The following GRID1 variants were observed in gnomAD, a reference collection of about 807,000 sequenced individuals.
GRID1 encodes glutamate ionotropic receptor delta type subunit 1.
In GRID1, 28 loss-of-function variants were observed where a neutral mutation model predicts 98.0. The observed-to-expected ratio is 0.29, with a 90% CI of 0.21 to 0.39. The LOEUF (loss-of-function observed/expected upper bound fraction) is 0.39, where lower values mean the gene tolerates loss of function less well. Ranked by LOEUF, GRID1 falls within the 10% of genes least tolerant of loss-of-function variation. The probability of loss-of-function intolerance (pLI) is 1.00; values close to 1 mark genes in which losing one functional copy is unlikely to be tolerated. For synonymous variants in GRID1, 553 were observed against 538.5 expected (o/e 1.03, Z -0.37); for missense variants, 1,111 against 1,340.5 (o/e 0.83, Z 2.67).
intron 2 of GRID1, among the ~76,000 whole-genome samples, chr10:86,307,938 T>G (rs554706553): frequency 5.3e-5 from 8 of 152,168 alleles, no homozygotes; most frequent in Non-Finnish European, 1.0e-4. Flanking sequence ...CTGAACAAAT[T>G]TCTACATATA....
chr10:85,768,121 T>G (rs1842215136), intron 8 of GRID1, among the ~76,000 whole-genome samples: 1 of 152,048 alleles, frequency 6.6e-6, no homozygotes. Flanking sequence ...TAAAAGGAAA[T>G]GAAAGCTGAG....
chr10:85,708,389 G>A (rs1197847823), intron 12 of GRID1, among the ~76,000 whole-genome samples: 1 of 149,076 alleles, frequency 6.7e-6, no homozygotes, highest in Non-Finnish European at 1.5e-5. Context: ...GGGGCACAAA[G>A]CAAGACTCTG....
At chr10:85,625,515 A>G (rs993954771) in intron 13 of GRID1, among the ~76,000 whole-genome samples, 10 of 152,254 alleles carry the variant, frequency 6.6e-5, no homozygotes, top group Non-Finnish European at 1.5e-4. Flanking sequence ...TAGTGAAAGG[A>G]GGAAGAATAT....
intron 4 of GRID1, among the ~76,000 whole-genome samples, chr10:85,919,809 T>C (rs894408698): frequency 1.3e-5 from 2 of 152,240 alleles, no homozygotes; most frequent in Admixed American, 6.5e-5. Flanking sequence ...TTCACTTCTC[T>C]GAGCTGCAGT....
At chr10:86,303,035 T>A (rs1847712681) in intron 2 of GRID1, among the ~76,000 whole-genome samples, 1 of 152,206 alleles carries the variant, frequency 6.6e-6, no homozygotes, top group Non-Finnish European at 1.5e-5. Flanking sequence ...ACCAATCAGG[T>A]ATAAGAGATA....
At chr10:86,022,045 G>A (rs1843056635) in intron 4 of GRID1, among the ~76,000 whole-genome samples, 1 of 152,110 alleles carries the variant, frequency 6.6e-6, no homozygotes, top group South Asian at 2.1e-4. Flanking sequence ...ATTTTACTTA[G>A]CCCAATATGT....
At chr10:85,634,998 G>GAAAAAA (rs140144576) in intron 13 of GRID1, among the ~76,000 whole-genome samples, 2 of 35,010 alleles carry the variant, frequency 5.7e-5, no homozygotes, top group African/African-American at 9.1e-5. Flanking sequence ...GAGGAAATCT[G>GAAAAAA]AAAAAAAAAA....
chr10:85,726,234 ATT>A (rs112297328), intron 10 of GRID1, among the ~76,000 whole-genome samples: 42 of 146,418 alleles, frequency 2.9e-4, no homozygotes, highest in African/African-American at 8.5e-4. Flanking sequence ...AAGTACAATC[ATT>A]TTTTTTTTTT....
At chr10:86,208,605 A>C (rs183472753) in intron 2 of GRID1, among the ~76,000 whole-genome samples, 96 of 152,288 alleles carry the variant, frequency 6.3e-4, no homozygotes, top group Middle Eastern at 3.4e-3. Context: ...CAGCATCCCC[A>C]GACTGGCTCA....
intron 11 of GRID1, among the ~76,000 whole-genome samples, chr10:85,723,556 A>C (rs1330340247): frequency 6.6e-6 from 1 of 152,228 alleles, no homozygotes; most frequent in Non-Finnish European, 1.5e-5. Flanking sequence ...ATATAGAAAT[A>C]ACTCCTACTA....
chr10:86,238,596 G>A (rs1846577398), intron 2 of GRID1, among the ~76,000 whole-genome samples: 1 of 151,732 alleles, frequency 6.6e-6, no homozygotes, highest in Admixed American at 6.6e-5. Flanking sequence ...CTTGAACCTG[G>A]GAGGCAGAGG....
intron 3 of GRID1, among the ~76,000 whole-genome samples, chr10:86,179,097 C>A (rs936847619): frequency 1.3e-5 from 2 of 152,090 alleles, no homozygotes; most frequent in Non-Finnish European, 2.9e-5. Context: ...AGGCTCCAGA[C>A]CCAATCCCCA....
chr10:86,183,938 G>C lies in GRID1; in HGVS notation c.520+22426C>G, dbSNP rs77336687. 6.5e-3 allele frequency among the ~76,000 whole-genome samples: 984 copies of C among 152,306 alleles called. 24 individuals are homozygous for C. In the East Asian group the frequency reaches 0.079, roughly 12 times the overall value. On this transcript the variant is annotated intron_variant, in intron 3 of 15. Transcript: ENST00000327946. ...CATAAACTTCCTGATGCTTGGTATAGTCAATCATCTTTAATTTTAGCCATT... is the reference window on the plus strand; with the variant it reads ...CATAAACTTCCTGATGCTTGGTATACTCAATCATCTTTAATTTTAGCCATT...
intron 12 of GRID1, among the ~76,000 whole-genome samples, chr10:85,655,626 T>C (rs1840885939): frequency 6.6e-6 from 1 of 152,194 alleles, no homozygotes; most frequent in African/African-American, 2.4e-5. Context: ...TAAAGCTGCT[T>C]GAGATCTTCT....
chr10:86,348,662 G>A (rs1052953530), intron 2 of GRID1, among the ~76,000 whole-genome samples: 6 of 152,194 alleles, frequency 3.9e-5, no homozygotes, highest in Non-Finnish European at 5.9e-5. Context: ...GCACATCCAC[G>A]CACGTAGCAC....
chr10:86,245,520 TTG>T (rs1846710639), intron 2 of GRID1, among the ~76,000 whole-genome samples: 1 of 145,024 alleles, frequency 6.9e-6, no homozygotes, highest in African/African-American at 2.5e-5. Context: ...CCTCTACCAT[TTG>T]CTTTACTCCA....
At chr10:85,984,176 C>T (rs1842580318) in intron 4 of GRID1, among the ~76,000 whole-genome samples, 1 of 152,158 alleles carries the variant, frequency 6.6e-6, no homozygotes, top group African/African-American at 2.4e-5. Flanking sequence ...TCCCTGCCTG[C>T]TCATCTCCCT....
chr10:86,054,846 G>C (rs1843551176), intron 4 of GRID1, among the ~76,000 whole-genome samples: 1 of 152,156 alleles, frequency 6.6e-6, no homozygotes, highest in Non-Finnish European at 1.5e-5. Context: ...CCATTAGGGG[G>C]TGGGGTCTAC....
chr10:86,022,113 A>G (rs924967113), intron 4 of GRID1, among the ~76,000 whole-genome samples: 11 of 152,232 alleles, frequency 7.2e-5, no homozygotes, highest in Non-Finnish European at 1.0e-4. Context: ...AAGACACTTT[A>G]CATTCATACA....
Sources: allele counts gnomAD v4.1 joint callset (sites outside exome capture counted in the v4.1 genomes callset), GRCh38; gene constraint gnomAD v4.1.1; transcripts MANE v1.5; gene names NCBI Gene and HGNC (gene_info 2026-07-23, HGNC 2026-07-21).